SPON1: variants seen among roughly 807,000 people sequenced by gnomAD.
The protein encoded by SPON1 is spondin 1, also known as spondin-1.
A neutral mutation model predicts 111.7 loss-of-function variants in SPON1; 52 were observed. The ratio of observed to expected loss-of-function variants is 0.47; its 90% CI spans 0.37 to 0.59. The LOEUF (loss-of-function observed/expected upper bound fraction) is 0.59. Among genes scored for constraint, SPON1 ranks in the 20% least tolerant of loss-of-function variants. The pLI is 0.00. For synonymous variants in SPON1, 410 were observed against 395.8 expected (o/e 1.04, Z -0.43); for missense variants, 957 against 1,068.5 (o/e 0.90, Z 1.46).
At chr11:14,172,454 A>T (rs1251799409) in intron 6 of SPON1, among the ~76,000 whole-genome samples, 5 of 151,750 alleles carry the variant, frequency 3.3e-5, no homozygotes, top group Admixed American at 6.6e-5. Flanking sequence ...CCAATTTGCC[A>T]GTCTGTGTCT....
chr11:14,085,961 G>A (rs1489494784), intron 5 of SPON1, among the ~76,000 whole-genome samples: 1 of 152,066 alleles, frequency 6.6e-6, no homozygotes, highest in African/African-American at 2.4e-5. Flanking sequence ...CCTATTATTG[G>A]TGTATAGGAA....
intron 6 of SPON1, among the ~76,000 whole-genome samples, chr11:14,161,117 A>G (rs1554931209): frequency 1.9e-5 from 2 of 103,734 alleles, no homozygotes; most frequent in Non-Finnish European, 3.5e-5. Context: ...ATATATCTAT[A>G]TATCTATATA....
intron 6 of SPON1, among the ~76,000 whole-genome samples, chr11:14,143,183 C>T (rs1275304120): frequency 1.3e-5 from 2 of 152,210 alleles, no homozygotes; most frequent in Non-Finnish European, 2.9e-5. Context: ...TACCCTTACT[C>T]CAATCCAGTG....
At chr11:14,168,034 C>A (rs1167233026) in intron 6 of SPON1, among the ~76,000 whole-genome samples, 4 of 152,194 alleles carry the variant, frequency 2.6e-5, no homozygotes, top group Admixed American at 6.5e-5. Context: ...ACCAAAAACA[C>A]CTTCCCTATA....
At chr11:14,107,113 C>T (rs1485632043) in intron 5 of SPON1, among the ~76,000 whole-genome samples, 1 of 152,104 alleles carries the variant, frequency 6.6e-6, no homozygotes, top group African/African-American at 2.4e-5. Flanking sequence ...GTGGAAAGAA[C>T]AATGAAAAGC....
chr11:14,096,254 A>C (rs1849100062), intron 5 of SPON1, among the ~76,000 whole-genome samples: 1 of 152,208 alleles, frequency 6.6e-6, no homozygotes, highest in African/African-American at 2.4e-5. Context: ...TAAACAGGGA[A>C]GGCTGAACAC....
In SPON1 at chr11:14,255,643, G is replaced by A. The variant is rs936715845; in HGVS notation, c.1093-4G>A. ...ACTCTCTACCTCTGTATGTTTTCTTGCAGTCACCCAACAAACCCACCATTC... is the reference window on the plus strand; with the variant it reads ...ACTCTCTACCTCTGTATGTTTTCTTACAGTCACCCAACAAACCCACCATTC... On this transcript the variant is annotated splice_polypyrimidine_tract_variant and splice_region_variant and intron_variant, in intron 8 of 15. Coordinates refer to ENST00000576479, the MANE Select transcript of SPON1 (RefSeq NM_006108.4). The A allele has an allele frequency of 6.2e-6, 10 of 1,612,348 alleles. No homozygotes were observed. The South Asian group carries it at 9.9e-5, about 16-fold the overall frequency.
intron 2 of SPON1, among the ~76,000 whole-genome samples, chr11:14,013,928 G>A (rs1274099108): frequency 6.6e-6 from 1 of 152,158 alleles, no homozygotes; most frequent in Non-Finnish European, 1.5e-5. Flanking sequence ...TTTTGTAGCG[G>A]GGAAAAAGAA....
intron 6 of SPON1, among the ~76,000 whole-genome samples, chr11:14,178,727 C>A (rs1215468572): frequency 6.6e-6 from 1 of 152,218 alleles, no homozygotes. Context: ...ACTAAAGTGT[C>A]AATCTACATG....
chr11:13,994,924 T>G (rs574152576), intron 2 of SPON1, among the ~76,000 whole-genome samples: 1 of 152,344 alleles, frequency 6.6e-6, no homozygotes, highest in South Asian at 2.1e-4. Context: ...CTCTATATAG[T>G]ATAACTTTCA....
intron 5 of SPON1, among the ~76,000 whole-genome samples, chr11:14,121,532 G>A (rs116300901): frequency 0.012 from 1,791 of 152,250 alleles, 31 homozygotes; most frequent in African/African-American, 0.041. Context: ...GGAGGTGCAG[G>A]AAAGGCAAAA....
chr11:14,253,012 C>G (rs567744056), intron 7 of SPON1, among the ~76,000 whole-genome samples: 9 of 152,186 alleles, frequency 5.9e-5, no homozygotes. Flanking sequence ...GATGCAAGTA[C>G]AAGTGGAACC....
chr11:14,003,335 G>T (rs1182649241), intron 2 of SPON1, among the ~76,000 whole-genome samples: 4 of 152,200 alleles, frequency 2.6e-5, no homozygotes, highest in Non-Finnish European at 4.4e-5. Flanking sequence ...CAGAAGTGCT[G>T]CAGTGATCCC....
intron 6 of SPON1, among the ~76,000 whole-genome samples, chr11:14,197,846 A>C (rs1848420249): frequency 6.6e-6 from 1 of 152,056 alleles, no homozygotes; most frequent in African/African-American, 2.4e-5. Context: ...AAATAAAAAC[A>C]CAAAATTATA....
intron 2 of SPON1, among the ~76,000 whole-genome samples, chr11:14,003,270 G>A (rs540817538): frequency 2.0e-5 from 3 of 152,288 alleles, no homozygotes; most frequent in African/African-American, 7.2e-5. Flanking sequence ...CCAAAGAAAG[G>A]AGCACTAAGC....
intron 5 of SPON1, among the ~76,000 whole-genome samples, chr11:14,105,397 C>A (rs577813540): frequency 3.3e-5 from 5 of 152,132 alleles, no homozygotes; most frequent in African/African-American, 1.2e-4. Flanking sequence ...CTGTAGCATC[C>A]AATTCTACAT....
rs1321018688 is a variant in SPON1, at chr11:14,260,652, G to A, written c.1896G>A (p.Lys632=). Residue 632 remains lysine, a synonymous_variant, in exon 14 of 16, where the codon AAG becomes AAA. Coordinates refer to ENST00000576479, the MANE Select transcript of SPON1 (RefSeq NM_006108.4). ...EWSDCSVTCG[K]GMRTRQRMLK... is the part of the protein sequence containing the mutation. ...GTGACTGCAGCGTGACCTGCGGGAAGGGCATGCGAACCCGACAGCGGATGC... is the reference window on the plus strand; with the variant it reads ...GTGACTGCAGCGTGACCTGCGGGAAAGGCATGCGAACCCGACAGCGGATGC... 1.2e-6 allele frequency: 2 copies of A among 1,613,998 alleles called. No individual in the cohort carries two copies. The highest frequency in any genetic ancestry group is 8.5e-7 in the Non-Finnish European group (1 of 1,179,896).
intron 5 of SPON1, among the ~76,000 whole-genome samples, chr11:14,115,719 CTGCTATA>C (rs1849261941): frequency 6.6e-6 from 1 of 152,110 alleles, no homozygotes; most frequent in Non-Finnish European, 1.5e-5. Context: ...ATGAACAGTG[CTGCTATA>C]TGCTATATCC....
chr11:14,033,765 A>T (rs1394953328), intron 2 of SPON1, among the ~76,000 whole-genome samples: 1 of 152,196 alleles, frequency 6.6e-6, no homozygotes, highest in Non-Finnish European at 1.5e-5. Context: ...CTTTAACAAT[A>T]GACTGACAAG....
Sources: gnomAD v4.1 joint callset for allele counts (sites outside exome capture counted in the v4.1 genomes callset) on GRCh38, gnomAD v4.1.1 for gene constraint, MANE v1.5 for transcripts, NCBI Gene and HGNC (gene_info 2026-07-23, HGNC 2026-07-21) for gene names.